Variants in ZCWPW2 observed in about 807,000 individuals in gnomAD.
ZCWPW2 encodes zinc finger CW-type and PWWP domain containing 2.
A neutral mutation model predicts 46.6 loss-of-function variants in ZCWPW2; 45 were observed. That is an observed-to-expected ratio of 0.96 (90% CI 0.76 to 1.24). The LOEUF (loss-of-function observed/expected upper bound fraction) is 1.24, where lower values mean the gene tolerates loss of function less well. Ranked by LOEUF, ZCWPW2 falls within the 50% of genes most tolerant of loss-of-function variation. ZCWPW2 has a pLI of 0.00. For missense variants in ZCWPW2, 429 were observed against 403.9 expected, an observed-to-expected ratio of 1.06 and a Z score of -0.53; for synonymous variants, 152 against 137.1, an observed-to-expected ratio of 1.11 and a Z score of -0.76.
intron 6 of ZCWPW2, among the ~76,000 whole-genome samples, chr3:28,497,521 A>C (rs555257642): frequency 6.6e-6 from 1 of 152,074 alleles, no homozygotes; most frequent in Non-Finnish European, 1.5e-5. Flanking sequence ...ATATCCTTAA[A>C]TGCTGGTACT....
intron 6 of ZCWPW2, among the ~76,000 whole-genome samples, chr3:28,499,671 A>T (rs1700089282): frequency 6.6e-6 from 1 of 151,978 alleles, no homozygotes; most frequent in Admixed American, 6.6e-5. Flanking sequence ...CCATTTGTCA[A>T]TTTTGGCTTT....
At chr3:28,399,869 G>A (rs1197813276) in intron 2 of ZCWPW2, among the ~76,000 whole-genome samples, 1 of 152,006 alleles carries the variant, frequency 6.6e-6, no homozygotes, top group Non-Finnish European at 1.5e-5. Flanking sequence ...ACAAAACAAG[G>A]TTCTTTAACA....
chr3:28,403,811 C>A (rs1696044500), intron 2 of ZCWPW2, among the ~76,000 whole-genome samples: 1 of 152,028 alleles, frequency 6.6e-6, no homozygotes. Context: ...CTCTTTTCAA[C>A]AAATGGTGCT....
At chr3:28,481,469 C>T (rs761780644) in intron 5 of ZCWPW2, among the ~76,000 whole-genome samples, 4 of 152,174 alleles carry the variant, frequency 2.6e-5, no homozygotes, top group Non-Finnish European at 5.9e-5. Flanking sequence ...TCTCCAACTC[C>T]TGACCTCAGG....
At chr3:28,501,593 G>C (rs139957623) in intron 6 of ZCWPW2, among the ~76,000 whole-genome samples, 39 of 152,166 alleles carry the variant, frequency 2.6e-4, no homozygotes, top group African/African-American at 8.7e-4. Context: ...GAGATCTTAA[G>C]TGTATAGTTT....
At chr3:28,486,037 G>C (rs756891110) in intron 5 of ZCWPW2, among the ~76,000 whole-genome samples, 2 of 151,252 alleles carry the variant, frequency 1.3e-5, no homozygotes, top group African/African-American at 2.4e-5. Flanking sequence ...TTGTGATTTT[G>C]AGATTTTAAA....
intron 1 of ZCWPW2, among the ~76,000 whole-genome samples, chr3:28,365,740 T>C (rs1279578580): frequency 1.4e-5 from 2 of 141,068 alleles, no homozygotes; most frequent in African/African-American, 2.5e-5. Context: ...CCTTGGGCAG[T>C]ATGGCCATTT....
intron 6 of ZCWPW2, chr3:28,511,200 T>C (rs895739689): frequency 2.8e-6 from 1 of 354,662 alleles, no homozygotes; most frequent in South Asian, 2.2e-5. Flanking sequence ...CATTCAACTA[T>C]CCAGATGTTA....
chr3:28,490,996 A>G (rs1336479170), intron 5 of ZCWPW2, among the ~76,000 whole-genome samples: 2 of 152,152 alleles, frequency 1.3e-5, no homozygotes, highest in Admixed American at 1.3e-4. Context: ...TTGAACACTT[A>G]CTGCATATAA....
intron 5 of ZCWPW2, among the ~76,000 whole-genome samples, chr3:28,481,307 G>C (rs1011032572): frequency 6.6e-6 from 1 of 152,000 alleles, no homozygotes; most frequent in African/African-American, 2.4e-5. Flanking sequence ...GCAGTGGCGC[G>C]ATCTTGGCTC....
intron 1 of ZCWPW2, among the ~76,000 whole-genome samples, chr3:28,377,609 C>T (rs1264368261): frequency 6.6e-6 from 1 of 151,896 alleles, no homozygotes; most frequent in East Asian, 1.9e-4. Flanking sequence ...AACTTAAATC[C>T]AAAGGTCAAT....
At chr3:28,499,014 A>G (rs1700074146) in intron 6 of ZCWPW2, among the ~76,000 whole-genome samples, 1 of 152,122 alleles carries the variant, frequency 6.6e-6, no homozygotes, top group African/African-American at 2.4e-5. Context: ...TCCATGGTGT[A>G]TATGTGCCAC....
In ZCWPW2 at chr3:28,497,521, A is replaced by G. The variant is rs555257642; in HGVS notation, c.657+5348A>G. ...AACATCCTTGGATATATATCCTTAAATGCTGGTACTATTATTTCTATAGGA... is the reference window on the plus strand; with the variant it reads ...AACATCCTTGGATATATATCCTTAAGTGCTGGTACTATTATTTCTATAGGA... On this transcript the variant is annotated intron_variant, in intron 6 of 9. Coordinates refer to ENST00000383768, the MANE Select transcript of ZCWPW2 (RefSeq NM_001040432.4). Among the ~76,000 whole-genome samples the G allele has an allele frequency of 4.6e-5, 7 of 152,192 alleles. No homozygotes were observed. The South Asian group carries it at 1.5e-3, about 32-fold the overall frequency.
At chr3:28,416,940 G>A (rs1321231783) in intron 3 of ZCWPW2, among the ~76,000 whole-genome samples, 1 of 145,554 alleles carries the variant, frequency 6.9e-6, no homozygotes, top group Non-Finnish European at 1.5e-5. Context: ...GAGGATTTCT[G>A]CATCGATGTT....
intron 2 of ZCWPW2, among the ~76,000 whole-genome samples, chr3:28,391,994 G>A (rs900012565): frequency 2.0e-5 from 3 of 152,152 alleles, no homozygotes; most frequent in African/African-American, 7.2e-5. Context: ...TAATTACATT[G>A]AATGTCAGTG....
chr3:28,421,364 A>G (rs1479277045), intron 3 of ZCWPW2, among the ~76,000 whole-genome samples: 3 of 152,140 alleles, frequency 2.0e-5, no homozygotes. Flanking sequence ...CCACCACCTG[A>G]GCAGGAAGGG....
chr3:28,348,896 C>G lies in ZCWPW2; in HGVS notation c.-441C>G. The G allele has an allele frequency of 1.0e-6, 1 of 961,988 alleles. No individual in the cohort carries two copies. The highest frequency in any genetic ancestry group is 1.2e-6 in the Non-Finnish European group (1 of 808,518). 59.6% of individuals were successfully genotyped at this position (961,988 alleles called of 1,614,324 possible). ...GTTACCCAGCAATACGCGCGCGAGA[C>G]CCAGGCCCGCCGTCGGGACCAGCAC... is the stretch of plus-strand genomic sequence containing the variant. On this transcript the variant is annotated 5_prime_UTR_variant, in exon 1 of 10. Coordinates refer to ENST00000383768, the MANE Select transcript of ZCWPW2 (RefSeq NM_001040432.4).
chr3:28,425,195 G>T (rs1696958855), intron 3 of ZCWPW2, among the ~76,000 whole-genome samples: 1 of 152,068 alleles, frequency 6.6e-6, no homozygotes, highest in South Asian at 2.1e-4. Context: ...ACATCAAAAT[G>T]CCCAAAAAAT....
At chr3:28,361,685 CAA>C (rs368852052) in intron 1 of ZCWPW2, among the ~76,000 whole-genome samples, 3 of 148,884 alleles carry the variant, frequency 2.0e-5, no homozygotes, top group Admixed American at 6.7e-5. Flanking sequence ...AATGTAATAG[CAA>C]AAAAAAACCT....
Sources: allele counts gnomAD v4.1 joint callset (sites outside exome capture counted in the v4.1 genomes callset), GRCh38; gene constraint gnomAD v4.1.1; transcripts MANE v1.5; gene names NCBI Gene and HGNC (gene_info 2026-07-23, HGNC 2026-07-21).